ASIC2: variants seen among roughly 807,000 people sequenced by gnomAD.
ASIC2 encodes acid sensing ion channel subunit 2.
ASIC2 carries 25 observed loss-of-function variants against 57.3 expected under a neutral mutation model. That is an observed-to-expected ratio of 0.44 (90% CI 0.32 to 0.61). The LOEUF (loss-of-function observed/expected upper bound fraction) is 0.61. ASIC2 is among the 20% of genes least tolerant of loss of function. The pLI is 0.06. For missense variants in ASIC2, 641 were observed against 738.1 expected (o/e 0.87, Z 1.52); for synonymous variants, 319 against 307.5 (o/e 1.04, Z -0.39).
chr17:33,855,899 C>G (rs1367430123), intron 1 of ASIC2, among the ~76,000 whole-genome samples: 2 of 151,918 alleles, frequency 1.3e-5, no homozygotes, highest in Non-Finnish European at 2.9e-5. Context: ...ACAATCCAAC[C>G]CAATAGTTGT....
chr17:33,111,599 G>T (rs148279031), intron 2 of ASIC2, among the ~76,000 whole-genome samples: 248 of 152,176 alleles, frequency 1.6e-3, no homozygotes, highest in African/African-American at 5.5e-3. Context: ...CATCCTTCCC[G>T]CCTCTCCTGA....
intron 3 of ASIC2, among the ~76,000 whole-genome samples, chr17:33,050,895 T>C (rs778593031): frequency 3.9e-5 from 6 of 152,086 alleles, no homozygotes; most frequent in Admixed American, 2.6e-4. Context: ...AGATTAGGTA[T>C]GAGGTAGGTA....
chr17:33,354,826 C>T (rs79097245), intron 1 of ASIC2, among the ~76,000 whole-genome samples: 3,706 of 152,192 alleles, frequency 0.024, 70 homozygotes, highest in Non-Finnish European at 0.035. Context: ...AGGCAGAGCT[C>T]GTGTCCTTTT....
chr17:33,616,192 C>T (rs1368179850), intron 1 of ASIC2, among the ~76,000 whole-genome samples: 1 of 133,930 alleles, frequency 7.5e-6, no homozygotes. Flanking sequence ...CATCTATGCC[C>T]TTTCTTCTCT....
chr17:33,397,710 C>T (rs1361959518), intron 1 of ASIC2, among the ~76,000 whole-genome samples: 1 of 152,136 alleles, frequency 6.6e-6, no homozygotes, highest in African/African-American at 2.4e-5. Flanking sequence ...CTTCAGCCTC[C>T]CATCACCCCA....
chr17:33,053,307 T>C (rs964497425), intron 3 of ASIC2, among the ~76,000 whole-genome samples: 6 of 152,230 alleles, frequency 3.9e-5, no homozygotes, highest in African/African-American at 1.4e-4. Context: ...TCACCTCTGA[T>C]ATCTGTTGTA....
At chr17:33,521,920 C>T (rs1450557019) in intron 1 of ASIC2, among the ~76,000 whole-genome samples, 1 of 152,190 alleles carries the variant, frequency 6.6e-6, no homozygotes, top group Non-Finnish European at 1.5e-5. Context: ...TCACCTGGCA[C>T]CTAGGCGGGC....
intron 1 of ASIC2, among the ~76,000 whole-genome samples, chr17:34,040,398 AG>A (rs1158480168): frequency 4.0e-4 from 13 of 32,518 alleles, no homozygotes; most frequent in South Asian, 1.2e-3. Context: ...GCTGGGAGGC[AG>A]GGGGGGTCCT....
At chr17:33,976,433 T>C (rs1449090178) in intron 1 of ASIC2, 1 of 152,128 alleles carries the variant, frequency 6.6e-6, no homozygotes, top group Non-Finnish European at 1.5e-5. Flanking sequence ...TCATCGTGCA[T>C]GGACTCCTTG....
intron 3 of ASIC2, among the ~76,000 whole-genome samples, chr17:33,088,537 G>A (rs1054015431): frequency 6.6e-6 from 1 of 151,372 alleles, no homozygotes; most frequent in African/African-American, 2.4e-5. Context: ...GCCCTGGTTA[G>A]CAGTTTTCCT....
intron 1 of ASIC2, among the ~76,000 whole-genome samples, chr17:33,437,754 C>T (rs1911676312): frequency 1.3e-5 from 2 of 152,164 alleles, no homozygotes; most frequent in Non-Finnish European, 1.5e-5. Context: ...CGAGATCACA[C>T]CACTGCACTC....
chr17:33,473,600 TGAACACGA>T (rs1913124094), intron 1 of ASIC2, among the ~76,000 whole-genome samples: 2 of 152,136 alleles, frequency 1.3e-5, no homozygotes, highest in Non-Finnish European at 2.9e-5. Context: ...AGAGGTGGAA[TGAACACGA>T]GAACATTGTG....
intron 1 of ASIC2, among the ~76,000 whole-genome samples, chr17:33,788,657 C>T (rs769689173): frequency 6.6e-5 from 10 of 152,158 alleles, no homozygotes; most frequent in Non-Finnish European, 1.5e-4. Flanking sequence ...AACCCAAATA[C>T]CCATCGACGA....
chr17:33,595,020 G>T (rs1237137034), intron 1 of ASIC2, among the ~76,000 whole-genome samples: 1 of 152,024 alleles, frequency 6.6e-6, no homozygotes, highest in African/African-American at 2.4e-5. Flanking sequence ...TGGGAGTTCA[G>T]ACCAGCCTGG....
At chr17:33,552,755 G>A (rs1915790506) in intron 1 of ASIC2, among the ~76,000 whole-genome samples, 1 of 152,234 alleles carries the variant, frequency 6.6e-6, no homozygotes, top group African/African-American at 2.4e-5. Context: ...TTTTAGGGCA[G>A]TGATTTGTCA....
intron 1 of ASIC2, among the ~76,000 whole-genome samples, chr17:33,957,753 A>G (rs138112833): frequency 2.4e-3 from 365 of 152,290 alleles, no homozygotes; most frequent in African/African-American, 8.1e-3. Flanking sequence ...GGCCCCTCCC[A>G]AATCTCACGT....
At chr17:33,501,422 C>T (rs1252859515) in intron 1 of ASIC2, among the ~76,000 whole-genome samples, 2 of 152,172 alleles carry the variant, frequency 1.3e-5, no homozygotes, top group Non-Finnish European at 2.9e-5. Flanking sequence ...TCCTGCCCAA[C>T]CCCTACCTTG....
chr17:33,402,529 T>C (rs1391484645), intron 1 of ASIC2, among the ~76,000 whole-genome samples: 1 of 152,160 alleles, frequency 6.6e-6, no homozygotes, highest in Non-Finnish European at 1.5e-5. Context: ...AAAGTGAGAA[T>C]ATGTGGTGTT....
At chr17:33,492,606 C>T (rs1172369467) in intron 1 of ASIC2, among the ~76,000 whole-genome samples, 2 of 152,134 alleles carry the variant, frequency 1.3e-5, no homozygotes, top group Non-Finnish European at 1.5e-5. Context: ...TTCCTTTGCC[C>T]CATTTAAAAC....
Sources: gnomAD v4.1 joint callset for allele counts (sites outside exome capture counted in the v4.1 genomes callset) on GRCh38, gnomAD v4.1.1 for gene constraint, MANE v1.5 for transcripts, NCBI Gene and HGNC (gene_info 2026-07-23, HGNC 2026-07-21) for gene names.